The following LRRC49 variants were observed in gnomAD, a reference collection of about 807,000 sequenced individuals.
LRRC49 encodes the protein leucine-rich repeat-containing protein 49.
In LRRC49, 50 loss-of-function variants were observed where a neutral mutation model predicts 83.3. The ratio of observed to expected loss-of-function variants is 0.60; its 90% CI spans 0.48 to 0.76. The LOEUF (loss-of-function observed/expected upper bound fraction) is 0.76. Ranked by LOEUF, LRRC49 falls within the 30% of genes least tolerant of loss-of-function variation. The pLI, the probability that LRRC49 is intolerant of heterozygous loss-of-function variation, is 0.00. For synonymous variants in LRRC49, 286 were observed against 283.3 expected (o/e 1.01, Z -0.10); for missense variants, 704 against 809.1 (o/e 0.87, Z 1.58).
At chr15:70,947,634 TG>T (rs1184680075) in intron 8 of LRRC49, among the ~76,000 whole-genome samples, 1 of 152,212 alleles carries the variant, frequency 6.6e-6, no homozygotes, top group African/African-American at 2.4e-5. Flanking sequence ...ATTGTGTCCT[TG>T]AACCAGCAGT....
chr15:70,920,674 G>A (rs2034974191), intron 7 of LRRC49, among the ~76,000 whole-genome samples: 1 of 152,094 alleles, frequency 6.6e-6, no homozygotes, highest in African/African-American at 2.4e-5. Flanking sequence ...TTCCCGTTGA[G>A]TATTATGTTT....
intron 9 of LRRC49, among the ~76,000 whole-genome samples, chr15:70,972,118 G>A (rs936472569): frequency 2.6e-5 from 4 of 152,104 alleles, no homozygotes; most frequent in Non-Finnish European, 4.4e-5. Context: ...GTAGTGGCTG[G>A]TACTGTTTTT....
intron 15 of LRRC49, among the ~76,000 whole-genome samples, chr15:71,041,234 A>C (rs1467920384): frequency 6.6e-6 from 1 of 152,220 alleles, no homozygotes; most frequent in African/African-American, 2.4e-5. Flanking sequence ...ACACCAGTGC[A>C]TCACTGAAGT....
intron 15 of LRRC49, among the ~76,000 whole-genome samples, chr15:71,046,485 G>A (rs558748748): frequency 6.6e-6 from 1 of 152,154 alleles, no homozygotes; most frequent in Admixed American, 6.5e-5. Flanking sequence ...ATCCTTGTTG[G>A]CCACTTGTAT....
chr15:71,043,264 T>C (rs1022204504), intron 15 of LRRC49, among the ~76,000 whole-genome samples: 3 of 152,194 alleles, frequency 2.0e-5, no homozygotes, highest in Non-Finnish European at 4.4e-5. Flanking sequence ...CCATTATAGT[T>C]AAAATTGCTC....
At chr15:71,008,345 T>A in intron 11 of LRRC49, 34 bp from the exon 12 acceptor site, 1 of 1,241,698 alleles carries the variant, frequency 8.1e-7, no homozygotes, top group Non-Finnish European at 1.2e-6. Context: ...CTGCATGATA[T>A]CTTTCATTTA....
chr15:70,963,681 A>T, intron 8 of LRRC49, 104 bp from the exon 9 acceptor site: 2 of 1,334,464 alleles, frequency 1.5e-6, no homozygotes, highest in Non-Finnish European at 2.1e-6. Context: ...TATCTTCTCA[A>T]TTTTTCTGTA....
intron 6 of LRRC49, among the ~76,000 whole-genome samples, chr15:70,912,583 A>G (rs2034592687): frequency 6.6e-6 from 1 of 151,524 alleles, no homozygotes; most frequent in East Asian, 1.9e-4. Flanking sequence ...TTTGATTTCT[A>G]TTTTCCTGAT....
At chr15:70,891,811 G>A (rs555604978), upstream of LRRC49, 349 of 1,507,150 alleles carry the variant, frequency 2.3e-4, 4 homozygotes, top group South Asian at 4.3e-3. Flanking sequence ...GAGTCCAGGG[G>A]TCCTTACACA....
rs964626080 is a variant in LRRC49, at chr15:71,007,709, G to GTGTATA, written c.1170-669_1170-668insGTATAT. ...AAATTCAGTGCAGTATGAGAAGCAT[G>GTGTATA]TATATATATATATATATATATATAT... On this transcript the variant is annotated intron_variant, in intron 11 of 15. Coordinates refer to ENST00000260382, the MANE Select transcript of LRRC49 (RefSeq NM_017691.5). Among the ~76,000 whole-genome samples, 7 of 137,706 alleles carry GTGTATA rather than the reference G, an allele frequency of 5.1e-5. 1 individual carries two copies. Among genetic ancestry groups the GTGTATA allele is most frequent in the African/African-American group, 1.9e-4 (7 of 36,580 alleles). The allele number at this position is 137,706 out of a possible 152,430, so 90.3% of individuals were successfully genotyped here. A position where few individuals can be genotyped will look rare whatever the true frequency, so the allele number is the denominator to read the frequency against.
chr15:70,951,060 G>T (rs1016158630), intron 8 of LRRC49, among the ~76,000 whole-genome samples: 4 of 152,116 alleles, frequency 2.6e-5, no homozygotes, highest in African/African-American at 9.7e-5. Flanking sequence ...TCAATGATCA[G>T]GTAGTTGTAG....
At chr15:71,013,063 A>G (rs1412163429) in intron 14 of LRRC49, 150 bp downstream of exon 14, 5 of 584,484 alleles carry the variant, frequency 8.6e-6, no homozygotes, top group Non-Finnish European at 1.5e-5. Context: ...TCTTAAGATA[A>G]ATAAGATGAA....
chr15:70,923,232 A>G (rs768841949), intron 7 of LRRC49, among the ~76,000 whole-genome samples: 3 of 151,902 alleles, frequency 2.0e-5, no homozygotes, highest in Non-Finnish European at 2.9e-5. Context: ...GTTTAATTGC[A>G]TTGTGACCAG....
intron 8 of LRRC49, among the ~76,000 whole-genome samples, chr15:70,948,156 C>G (rs1430704649): frequency 1.3e-5 from 2 of 151,982 alleles, no homozygotes; most frequent in Non-Finnish European, 2.9e-5. Context: ...CAATCTCCCC[C>G]ACCCCTCATT....
chr15:70,935,011 C>T (rs1263180602), intron 7 of LRRC49, among the ~76,000 whole-genome samples: 2 of 152,194 alleles, frequency 1.3e-5, no homozygotes, highest in Non-Finnish European at 2.9e-5. Context: ...AGCCCTACCA[C>T]TAGTCTATCA....
chr15:70,914,563 A>G (rs2034682765), intron 6 of LRRC49, among the ~76,000 whole-genome samples: 1 of 152,120 alleles, frequency 6.6e-6, no homozygotes, highest in Admixed American at 6.5e-5. Flanking sequence ...AGCAATAAGG[A>G]TATGATAAGG....
chr15:70,927,265 T>C (rs759842823), intron 7 of LRRC49, among the ~76,000 whole-genome samples: 1 of 152,246 alleles, frequency 6.6e-6, no homozygotes, highest in Non-Finnish European at 1.5e-5. Flanking sequence ...TTATTACTAA[T>C]GATGCTGAAC....
chr15:70,961,320 T>G (rs2036594757), intron 8 of LRRC49, among the ~76,000 whole-genome samples: 1 of 152,222 alleles, frequency 6.6e-6, no homozygotes, highest in Non-Finnish European at 1.5e-5. Context: ...ACAGCCACTT[T>G]GGAAGATAGT....
intron 2 of LRRC49, among the ~76,000 whole-genome samples, 171 bp downstream of exon 2, chr15:70,893,811 C>A (rs1057000305): frequency 6.6e-6 from 1 of 151,636 alleles, no homozygotes; most frequent in South Asian, 2.1e-4. Flanking sequence ...GCTAAAATAG[C>A]CCTCTTTAAA....
Sources: allele counts gnomAD v4.1 joint callset (sites outside exome capture counted in the v4.1 genomes callset), GRCh38; gene constraint gnomAD v4.1.1; transcripts MANE v1.5; gene names NCBI Gene and HGNC (gene_info 2026-07-23, HGNC 2026-07-21).